DCC: variants seen among roughly 807,000 people sequenced by gnomAD.
The protein encoded by DCC is netrin receptor DCC.
A neutral mutation model predicts 172.5 loss-of-function variants in DCC; 58 were observed. That is an observed-to-expected ratio of 0.34 (90% confidence interval 0.27 to 0.42). DCC has a LOEUF of 0.42. Ranked by LOEUF, DCC falls within the 10% of genes least tolerant of loss-of-function variation. DCC has a pLI of 1.00. For synonymous variants in DCC, 709 were observed against 644.5 expected (o/e 1.10, Z -1.52); for missense variants, 1,740 against 1,791.0 (o/e 0.97, Z 0.51).
chr18:52,458,525 G>C (rs1222682582), intron 1 of DCC, among the ~76,000 whole-genome samples: 2 of 152,118 alleles, frequency 1.3e-5, no homozygotes, highest in African/African-American at 4.8e-5. Flanking sequence ...GAGAAACAGA[G>C]AATGCCTATG....
intron 1 of DCC, among the ~76,000 whole-genome samples, chr18:52,442,248 G>A (rs1987993102): frequency 2.0e-5 from 3 of 152,156 alleles, no homozygotes; most frequent in Non-Finnish European, 2.9e-5. Context: ...TTAGAACTGT[G>A]TAGAGTTTTC....
chr18:53,368,839 G>A (rs984535480), intron 15 of DCC, among the ~76,000 whole-genome samples: 3 of 151,848 alleles, frequency 2.0e-5, no homozygotes, highest in Admixed American at 2.0e-4. Flanking sequence ...TTTGATTACT[G>A]TAGCCTTATA....
At position 53,193,842 on chromosome 18, in the gene DCC, C is replaced by A. The variant is rs575742774; in HGVS notation, c.1574-11374C>A. Among the ~76,000 whole-genome samples the A allele has an allele frequency of 2.0e-5, 3 of 152,288 alleles. No individual in the cohort carries two copies. In the South Asian group the frequency reaches 6.2e-4, roughly 32 times the overall value. On this transcript the variant is annotated intron_variant, in intron 9 of 28. Transcript: ENST00000442544. ...AATTGATTCCCCGAAGAGATGGTAT[C>A]TTTTAAGGTAGGATCTTTTTTTCAT...
chr18:53,085,491 T>C (rs2042864828), intron 7 of DCC, among the ~76,000 whole-genome samples: 1 of 152,128 alleles, frequency 6.6e-6, no homozygotes, highest in Admixed American at 6.6e-5. Context: ...ATTTGTAGGT[T>C]AAATAAGCTC....
At chr18:53,397,471 G>C in intron 18 of DCC, 25 bp downstream of exon 18, 1 of 1,613,506 alleles carries the variant, frequency 6.2e-7, no homozygotes, top group Non-Finnish European at 8.5e-7. Flanking sequence ...GTCTACTTTG[G>C]ACCCTTGATA....
intron 1 of DCC, among the ~76,000 whole-genome samples, chr18:52,540,187 G>A (rs2032398950): frequency 1.3e-5 from 2 of 152,248 alleles, no homozygotes; most frequent in South Asian, 4.2e-4. Context: ...CATAATCCAA[G>A]CACCTTGGGA....
Position 53,397,304 on chromosome 18 carries a change from A to G in DCC, c.2689-4A>G, listed in dbSNP as rs759388774. Reference sequence around the variant, plus strand: ...TATCTCTTTGCTATTTCCTACTTGTATAGTCAGAAGACACAACATCTCTAA... The same window carrying G: ...TATCTCTTTGCTATTTCCTACTTGTGTAGTCAGAAGACACAACATCTCTAA... On this transcript the variant is annotated splice_region_variant and splice_polypyrimidine_tract_variant and intron_variant, in intron 17 of 28. Coordinates refer to ENST00000442544, the MANE Select transcript of DCC (RefSeq NM_005215.4). The G allele has an allele frequency of 3.7e-6, 6 of 1,612,812 alleles. No homozygotes were observed. Among genetic ancestry groups the G allele is most frequent in the East Asian group, 2.2e-5 (1 of 44,862 alleles).
At chr18:53,334,006 G>A (rs2057563341) in intron 14 of DCC, among the ~76,000 whole-genome samples, 1 of 152,112 alleles carries the variant, frequency 6.6e-6, no homozygotes, top group South Asian at 2.1e-4. Context: ...CAGTTACCAA[G>A]TCAAAGACCT....
chr18:52,916,128 C>T (rs372360278), intron 3 of DCC, among the ~76,000 whole-genome samples: 1 of 151,766 alleles, frequency 6.6e-6, no homozygotes. Context: ...TAGGAAAATA[C>T]ATACGCAAAA....
At chr18:52,771,651 G>C (rs952545437) in intron 2 of DCC, among the ~76,000 whole-genome samples, 3 of 152,212 alleles carry the variant, frequency 2.0e-5, no homozygotes, top group African/African-American at 7.2e-5. Flanking sequence ...TCTATGTGAG[G>C]GAGGTGGGAA....
At chr18:53,007,048 A>G (rs977756274) in intron 5 of DCC, among the ~76,000 whole-genome samples, 4 of 152,238 alleles carry the variant, frequency 2.6e-5, no homozygotes, top group African/African-American at 9.6e-5. Flanking sequence ...TGCCATGAAG[A>G]TTTAAAAAAC....
At chr18:53,400,674 T>C (rs1219485562) in intron 18 of DCC, among the ~76,000 whole-genome samples, 2 of 152,106 alleles carry the variant, frequency 1.3e-5, no homozygotes, top group East Asian at 3.9e-4. Context: ...CAATACCAAA[T>C]TTTTATTCAC....
At chr18:52,768,129 A>G (rs112557648) in intron 2 of DCC, among the ~76,000 whole-genome samples, 101 of 152,340 alleles carry the variant, frequency 6.6e-4, no homozygotes, top group African/African-American at 2.4e-3. Context: ...TCTATACTAC[A>G]GTCTCTCCAA....
chr18:52,922,959 A>G (rs2040147655), intron 3 of DCC, among the ~76,000 whole-genome samples: 1 of 152,204 alleles, frequency 6.6e-6, no homozygotes, highest in African/African-American at 2.4e-5. Flanking sequence ...TAAGTCGCAT[A>G]AAGACTGTTT....
intron 9 of DCC, among the ~76,000 whole-genome samples, chr18:53,199,460 C>A (rs1203236101): frequency 6.6e-6 from 1 of 151,948 alleles, no homozygotes; most frequent in East Asian, 1.9e-4. Context: ...TGTAATGTAT[C>A]ACATATGTAA....
rs138428623 is a variant in DCC at position 52,856,695 on chromosome 18, A to T, written c.413-49349A>T. Among the ~76,000 whole-genome samples the T allele has an allele frequency of 3.4e-3, 524 of 152,104 alleles. 2 individuals carry two copies. Among genetic ancestry groups the T allele is most frequent in the Non-Finnish European group, 5.8e-3 (396 of 67,978 alleles). ...GAATTCACTACAACTTTTAATTAGA[A>T]TTTTGTTAGTCATAATGGAATCTTT... On this transcript the variant is annotated intron_variant, in intron 2 of 28. Transcript: ENST00000442544.
intron 2 of DCC, among the ~76,000 whole-genome samples, chr18:52,899,688 ATCTC>A (rs985452146): frequency 1.3e-5 from 2 of 151,570 alleles, no homozygotes; most frequent in African/African-American, 4.9e-5. Context: ...TAGAGACAGA[ATCTC>A]TCTATCGTGA....
At chr18:52,464,164 T>C (rs1014729115) in intron 1 of DCC, among the ~76,000 whole-genome samples, 3 of 152,224 alleles carry the variant, frequency 2.0e-5, no homozygotes, top group African/African-American at 7.2e-5. Context: ...AGATTCTTAG[T>C]TGTTTTATCT....
At chr18:52,931,821 G>C (rs981241668) in intron 5 of DCC, 1 of 152,034 alleles carries the variant, frequency 6.6e-6, no homozygotes, top group Non-Finnish European at 1.5e-5. Context: ...GACACCTTTT[G>C]GGTACAAGGA....
Sources: gnomAD v4.1 joint callset for allele counts (sites outside exome capture counted in the v4.1 genomes callset) on GRCh38, gnomAD v4.1.1 for gene constraint, MANE v1.5 for transcripts, NCBI Gene and HGNC (gene_info 2026-07-23, HGNC 2026-07-21) for gene names.